The following PYGB variants were observed in gnomAD, a reference collection of about 807,000 sequenced individuals.
The protein encoded by PYGB is glycogen phosphorylase, brain form.
In PYGB, 82 loss-of-function variants were observed where a neutral mutation model predicts 94.3. The observed-to-expected ratio is 0.87, with a 90% CI of 0.73 to 1.04. The LOEUF (loss-of-function observed/expected upper bound fraction) is 1.04, where lower values mean the gene tolerates loss of function less well. PYGB is among the 50% of genes least tolerant of loss of function. PYGB has a pLI of 0.00. For synonymous variants in PYGB, 488 were observed against 479.1 expected (o/e 1.02, Z -0.24); for missense variants, 1,132 against 1,158.2 (o/e 0.98, Z 0.33).
chr20:25,281,755 G>T (rs2088369523), intron 11 of PYGB, among the ~76,000 whole-genome samples: 1 of 152,160 alleles, frequency 6.6e-6, no homozygotes. Flanking sequence ...ACCTGTTTCC[G>T]CACGGACCGC....
At chr20:25,259,182 C>G in intron 1 of PYGB, 55 bp from the exon 2 acceptor site, 1 of 1,454,424 alleles carries the variant, frequency 6.9e-7, no homozygotes, top group South Asian at 1.2e-5. Flanking sequence ...TCTCTGTAAC[C>G]TTCCTAAAGT....
Position 25,253,854 on chromosome 20 carries a change from G to A in PYGB, c.244-5383G>A, listed in dbSNP as rs564522562. Among the ~76,000 whole-genome samples, 11 of 151,842 alleles carry A rather than the reference G, an allele frequency of 7.2e-5. No individual in the cohort carries two copies. In the South Asian group the frequency reaches 1.5e-3, roughly 20 times the overall value. ...TGTCGCTGTAAGTTCATTTTTCTCC[G>A]AATCATTTGAAAGTAAGAACCAGCC... On this transcript the variant is annotated intron_variant, in intron 1 of 19. Coordinates refer to ENST00000216962, the MANE Select transcript of PYGB (RefSeq NM_002862.4).
At chr20:25,265,192 AATAAATGG>A (rs2088206164) in intron 2 of PYGB, among the ~76,000 whole-genome samples, 2 of 152,244 alleles carry the variant, frequency 1.3e-5, no homozygotes, top group African/African-American at 4.8e-5. Flanking sequence ...GTCCCTATTT[AATAAATGG>A]TGCTGGGAAA....
intron 2 of PYGB, among the ~76,000 whole-genome samples, chr20:25,262,932 T>C (rs1291015506): frequency 1.3e-5 from 2 of 152,290 alleles, no homozygotes; most frequent in East Asian, 3.9e-4. Flanking sequence ...TAAATACATA[T>C]GCACCCAATA....
intron 8 of PYGB, among the ~76,000 whole-genome samples, chr20:25,278,717 T>C (rs960624778): frequency 6.6e-6 from 1 of 152,154 alleles, no homozygotes; most frequent in Non-Finnish European, 1.5e-5. Context: ...CTGGGCAGGC[T>C]AAATGGGGTT....
At chr20:25,290,941 C>G (rs1222154790) in intron 16 of PYGB, among the ~76,000 whole-genome samples, 3 of 151,978 alleles carry the variant, frequency 2.0e-5, no homozygotes, top group African/African-American at 7.2e-5. Context: ...TCAGCCGTGC[C>G]TTCTGCCCTG....
At position 25,276,736 on chromosome 20, in the gene PYGB, A is replaced by G; in HGVS notation, c.751A>G (p.Asn251Asp). 6.2e-7 allele frequency: 1 copy of G among 1,613,930 alleles called. No homozygotes were observed. Among genetic ancestry groups the G allele is most frequent in the Non-Finnish European group, 8.5e-7 (1 of 1,179,850 alleles). ...TMRLWSAKAP[N>D]DFKLQDFNVG... ...GCGGCTGTGGTCCGCCAAGGCTCCC[A>G]ACGACTTCAAGCTGCAGGACTGTAC... The change falls in exon 6 of 20, where the codon AAC becomes GAC. Residue 251 changes from asparagine to aspartate, a missense_variant. Coordinates refer to ENST00000216962, the MANE Select transcript of PYGB (RefSeq NM_002862.4).
intron 2 of PYGB, among the ~76,000 whole-genome samples, chr20:25,261,170 A>G (rs537750190): frequency 5.3e-5 from 8 of 152,224 alleles, no homozygotes; most frequent in African/African-American, 1.2e-4. Flanking sequence ...GAATGGACAG[A>G]CTGCTTCCAC....
At position 25,258,870 on chromosome 20, in the gene PYGB, C is replaced by T. The variant is rs535986541; in HGVS notation, c.244-367C>T. Among the ~76,000 whole-genome samples the T allele has an allele frequency of 2.0e-5, 3 of 152,378 alleles. No individual in the cohort carries two copies. The South Asian group carries it at 6.2e-4, about 32-fold the overall frequency. ...TGTTAGAGATGTGAAGTAACTTGCC[C>T]AAGGGCACATGGCTGGTAAGAGGCT... On this transcript the variant is annotated intron_variant, in intron 1 of 19. Transcript: ENST00000216962.
Position 25,260,839 on chromosome 20 carries a change from CCAGG to C in PYGB, c.345+1503_345+1506del, listed in dbSNP as rs2092911806. Among the ~76,000 whole-genome samples the C allele has an allele frequency of 2.6e-5, 4 of 152,362 alleles. No homozygotes were observed. The South Asian group carries it at 8.3e-4, about 32-fold the overall frequency. On this transcript the variant is annotated intron_variant, in intron 2 of 19. Coordinates refer to ENST00000216962, the MANE Select transcript of PYGB (RefSeq NM_002862.4). Reference sequence around the variant, plus strand: ...GCACACGAGGAAATTATATCCCGCACCAGGCTCAGAGGGTCCCACGCCCACGGAG... The same window carrying C: ...GCACACGAGGAAATTATATCCCGCACCTCAGAGGGTCCCACGCCCACGGAG...
chr20:25,261,810 G>A lies in PYGB; in HGVS notation c.345+2472G>A, dbSNP rs796178602. ...ATGACCTGACGGAGCTGAAAACCAT[G>A]GCACGAGAACTACATGATGCATGCA... On this transcript the variant is annotated intron_variant, in intron 2 of 19. Coordinates refer to ENST00000216962, the MANE Select transcript of PYGB (RefSeq NM_002862.4). 3.3e-5 allele frequency among the ~76,000 whole-genome samples: 5 copies of A among 152,296 alleles called. No individual in the cohort carries two copies. In the South Asian group the frequency reaches 8.3e-4, roughly 25 times the overall value.
At position 25,297,065 on chromosome 20, in the gene PYGB, C is replaced by T. The variant is rs934863507; in HGVS notation, c.*543C>T. ...ATCCTCTAGGCATCGCCTTCACAGC[C>T]CCCTGCCCCCTGCCCTCTGTCCTGG... is the stretch of plus-strand genomic sequence containing the variant. On this transcript the variant is annotated 3_prime_UTR_variant, in exon 20 of 20. Coordinates refer to ENST00000216962, the MANE Select transcript of PYGB (RefSeq NM_002862.4). The T allele has an allele frequency of 3.7e-5, 6 of 160,688 alleles. No individual in the cohort carries two copies. Among genetic ancestry groups the T allele is most frequent in the African/African-American group, 1.2e-4 (5 of 41,508 alleles). The allele number at this position is 160,688 out of a possible 1,614,324, so 10.0% of individuals were successfully genotyped here.
chr20:25,275,180 C>G (rs1440672123), intron 5 of PYGB, among the ~76,000 whole-genome samples: 1 of 152,276 alleles, frequency 6.6e-6, no homozygotes. Flanking sequence ...CCATGGCTCT[C>G]AAAGCGTCAA....
intron 14 of PYGB, chr20:25,285,594 A>T (rs1042146361): frequency 1.3e-5 from 2 of 152,048 alleles, no homozygotes; most frequent in African/African-American, 4.8e-5. Flanking sequence ...CGTTCACAGG[A>T]GGCAGCCAAC....
At chr20:25,289,929 G>T (rs777481631) in intron 15 of PYGB, 1 of 533,518 alleles carries the variant, frequency 1.9e-6, no homozygotes, top group Non-Finnish European at 3.8e-6. Flanking sequence ...ATGTTCACTC[G>T]GGTACTTCAT....
At position 25,296,504 on chromosome 20, in the gene PYGB, C is replaced by T. The variant is rs1330234122; in HGVS notation, c.2514C>T (p.Pro838=). 3 of 1,613,482 alleles carry T rather than the reference C, an allele frequency of 1.9e-6. No individual in the cohort carries two copies. Among genetic ancestry groups the T allele is most frequent in the East Asian group, 2.2e-5 (1 of 44,874 alleles). The stretch of plus-strand genomic sequence containing the variant: ...CCTCCGACCTGCAGATCCCGCCCCC[C>T]AACATCCCCCGGGACTAGGCACACC... ...VEPSDLQIPP[P]NIPRD The change falls in exon 20 of 20, where the codon CCC becomes CCT. Residue 838 remains proline (P), a synonymous_variant. Transcript: ENST00000216962.
chr20:25,281,719 G>A (rs766440323), intron 11 of PYGB, among the ~76,000 whole-genome samples: 2 of 152,214 alleles, frequency 1.3e-5, no homozygotes, highest in Non-Finnish European at 2.9e-5. Flanking sequence ...CTGAAGTCCT[G>A]CGGTCTCGGC....
chr20:25,251,563 G>C (rs1412125501), intron 1 of PYGB, among the ~76,000 whole-genome samples: 1 of 152,214 alleles, frequency 6.6e-6, no homozygotes, highest in Non-Finnish European at 1.5e-5. Context: ...TCAGAGTGAG[G>C]GTTGGGGTGG....
chr20:25,253,610 G>A (rs1361293941), intron 1 of PYGB, among the ~76,000 whole-genome samples: 1 of 144,344 alleles, frequency 6.9e-6, no homozygotes, highest in Non-Finnish European at 1.5e-5. Context: ...ACTCCAGCCT[G>A]GGCAACTCTG....
Sources: gnomAD v4.1 joint callset for allele counts (sites outside exome capture counted in the v4.1 genomes callset) on GRCh38, gnomAD v4.1.1 for gene constraint, MANE v1.5 for transcripts, NCBI Gene and HGNC (gene_info 2026-07-23, HGNC 2026-07-21) for gene names.